The following NRDE2 variants were observed in gnomAD, a reference collection of about 807,000 sequenced individuals.
The protein encoded by NRDE2 is nuclear exosome regulator NRDE2.
In NRDE2, 76 loss-of-function variants were observed where a neutral mutation model predicts 124.2. The observed-to-expected ratio is 0.61, with a 90% confidence interval of 0.51 to 0.74. The LOEUF (loss-of-function observed/expected upper bound fraction) is 0.74, where lower values mean the gene tolerates loss of function less well. Ranked by LOEUF, NRDE2 falls within the 30% of genes least tolerant of loss-of-function variation. The pLI is 0.00. For synonymous variants in NRDE2, 489 were observed against 528.1 expected (o/e 0.93, Z 1.01); for missense variants, 1,314 against 1,417.3 (o/e 0.93, Z 1.17).
At chr14:90,317,434 C>T (rs1344883588) in intron 2 of NRDE2, among the ~76,000 whole-genome samples, 2 of 152,262 alleles carry the variant, frequency 1.3e-5, no homozygotes, top group South Asian at 2.1e-4. Context: ...TACCAACTTC[C>T]TCTCATACAT....
At chr14:90,316,416 G>A (rs1406827652) in intron 3 of NRDE2, among the ~76,000 whole-genome samples, 162 bp downstream of exon 3, 5 of 152,180 alleles carry the variant, frequency 3.3e-5, no homozygotes, top group Admixed American at 3.3e-4. Context: ...ATAAAATCGT[G>A]TCCCTAATTT....
chr14:90,304,009 C>A lies in NRDE2; in HGVS notation c.931G>T (p.Val311Leu). 6.2e-7 allele frequency: 1 copy of A among 1,614,048 alleles called. No homozygotes were observed. Among genetic ancestry groups the A allele is most frequent in the Non-Finnish European group, 8.5e-7 (1 of 1,179,922 alleles). The change falls in exon 5 of 14, where the codon GTG becomes TTG. Residue 311 changes from valine (V) to leucine (L), a missense_variant. By Grantham distance (32) the Val-to-Leu change is conservative. Coordinates refer to ENST00000354366, the MANE Select transcript of NRDE2 (RefSeq NM_017970.4). ...CGCACCCTCCTGTTAAACTCCTCCA[C>A]CTTGGCCTTGAGAGCCGCACTCTCG... ...DSESAALKAK[V>L]EEFNRRVREN...
In NRDE2 at chr14:90,269,931, T is replaced by A; in HGVS notation, c.*8405A>T. ...TTTGTAATGTTTTTAACACAATAGG[T>A]CTGCCCAGTTTCACTCAGGAATTGC... On this transcript the variant is annotated 3_prime_UTR_variant, in exon 14 of 14. Transcript: ENST00000354366. 8.9e-6 allele frequency: 4 copies of A among 449,586 alleles called. No individual in the cohort carries two copies. Among genetic ancestry groups the A allele is most frequent in the Non-Finnish European group, 1.6e-5 (4 of 254,748 alleles). The allele number at this position is 449,586 out of a possible 1,614,324, so 27.8% of individuals were successfully genotyped here.
intron 4 of NRDE2, among the ~76,000 whole-genome samples, chr14:90,307,165 A>T (rs907713857): frequency 1.3e-5 from 2 of 152,198 alleles, no homozygotes; most frequent in Non-Finnish European, 2.9e-5. Context: ...AAAATAGTTG[A>T]TATCACATAG....
In NRDE2 at chr14:90,288,285, G is replaced by C. The variant is rs191120303; in HGVS notation, c.3090C>G (p.Pro1030=). 9 of 1,614,144 alleles carry C rather than the reference G, an allele frequency of 5.6e-6. No individual in the cohort carries two copies. The African/African-American group carries it at 6.7e-5, about 12-fold the overall frequency. The change falls in exon 11 of 14, where the codon CCC becomes CCG. Residue 1030 remains proline, a synonymous_variant. Coordinates refer to ENST00000354366, the MANE Select transcript of NRDE2 (RefSeq NM_017970.4). ...CAATTGCAAACAACCAAGGCTCCAA[G>C]GGTTTGGCAGACCTGGTGATTGTGT... ...FFDTITRSAK[P]LEPWLFAIEA...
At chr14:90,314,103 G>A (rs1595073417) in intron 3 of NRDE2, among the ~76,000 whole-genome samples, 1 of 152,340 alleles carries the variant, frequency 6.6e-6, no homozygotes, top group African/African-American at 2.4e-5. Context: ...TAAGGAAGCA[G>A]GATATGGTAG....
intron 1 of NRDE2, among the ~76,000 whole-genome samples, chr14:90,319,193 C>CG (rs1304449809): frequency 6.6e-6 from 1 of 152,084 alleles, no homozygotes; most frequent in Non-Finnish European, 1.5e-5. Flanking sequence ...AGGGAGCCCA[C>CG]GGGGGGTTTG....
At chr14:90,300,066 C>T (rs538699198) in intron 7 of NRDE2, among the ~76,000 whole-genome samples, 3 of 152,186 alleles carry the variant, frequency 2.0e-5, no homozygotes, top group Non-Finnish European at 4.4e-5. Context: ...TCTCCCAACA[C>T]TTTAGAGCAG....
At chr14:90,327,350 G>A (rs1329489081) in intron 1 of NRDE2, among the ~76,000 whole-genome samples, 1 of 152,038 alleles carries the variant, frequency 6.6e-6, no homozygotes, top group East Asian at 1.9e-4. Context: ...AGGAGTTCAA[G>A]ATCAGCTTGA....
At chr14:90,293,337 G>A (rs1241126076) in intron 8 of NRDE2, among the ~76,000 whole-genome samples, 41 of 151,788 alleles carry the variant, frequency 2.7e-4, no homozygotes, top group Admixed American at 6.6e-5. Context: ...TGCAATCTCC[G>A]CCTCCCAGGT....
chr14:90,301,739 C>T (rs776793923), intron 6 of NRDE2: 35 of 456,520 alleles, frequency 7.7e-5, no homozygotes, highest in South Asian at 3.6e-4. Flanking sequence ...AAGCAAAGAG[C>T]TGTATTCAGT....
intron 1 of NRDE2, among the ~76,000 whole-genome samples, chr14:90,328,646 G>T (rs895214063): frequency 1.3e-5 from 2 of 152,176 alleles, no homozygotes; most frequent in Admixed American, 6.5e-5. Flanking sequence ...CATAGCAAGT[G>T]CATTGCTCCC....
rs556045688 is a variant in NRDE2, at chr14:90,290,044, C to T, written c.2229+177G>A. On this transcript the variant is annotated intron_variant, in intron 10 of 13. Transcript: ENST00000354366. ...TAGCCTGACTCGTTCCTGCCTTACT[C>T]CTCTTCACTGCGGACCCTCAGAAGG... Among the ~76,000 whole-genome samples, 3 of 152,324 alleles carry T rather than the reference C, an allele frequency of 2.0e-5. No homozygotes were observed. The South Asian group carries it at 6.2e-4, about 32-fold the overall frequency.
chr14:90,272,156 A>G lies in NRDE2; in HGVS notation c.*6180T>C. 1 of 1,131,894 alleles carries G rather than the reference A, an allele frequency of 8.8e-7. No homozygotes were observed. The highest frequency in any genetic ancestry group is 1.2e-6 in the Non-Finnish European group (1 of 801,002). 70.1% of individuals were successfully genotyped at this position (1,131,894 alleles called of 1,614,324 possible). The stretch of plus-strand genomic sequence containing the variant: ...CGATCCACCTGCCTCGGCCTCCCAG[A>G]GTGCTGGGATTACAGGTGTGAGCCA... On this transcript the variant is annotated 3_prime_UTR_variant, in exon 14 of 14. Transcript: ENST00000354366. This position sits in a 1 kb window ranked among gnomAD's most constrained non-coding sequence, Gnocchi z 4.5.
intron 7 of NRDE2, among the ~76,000 whole-genome samples, chr14:90,298,991 C>T (rs1250676711): frequency 6.6e-6 from 1 of 152,214 alleles, no homozygotes; most frequent in African/African-American, 2.4e-5. Flanking sequence ...TCAATAAACG[C>T]TTGTTGGCAC....
chr14:90,314,590 C>A (rs577268231), intron 3 of NRDE2, among the ~76,000 whole-genome samples: 1 of 152,238 alleles, frequency 6.6e-6, no homozygotes, highest in East Asian at 1.9e-4. Context: ...CTTTAAAACT[C>A]ATTTTCCCCA....
chr14:90,305,768 T>C (rs1023340050), intron 4 of NRDE2, among the ~76,000 whole-genome samples: 1 of 152,198 alleles, frequency 6.6e-6, no homozygotes, highest in Non-Finnish European at 1.5e-5. Flanking sequence ...TGATTGCCTC[T>C]GGGAGAATGG....
intron 3 of NRDE2, 135 bp downstream of exon 3, chr14:90,316,443 T>C (rs1399256475): frequency 1.6e-6 from 1 of 640,702 alleles, no homozygotes; most frequent in African/African-American, 1.8e-5. Flanking sequence ...TTCTCTTTTT[T>C]AAGCTGATAT....
At chr14:90,286,911 G>A (rs148709795) in intron 11 of NRDE2, among the ~76,000 whole-genome samples, 23,439 of 151,776 alleles carry the variant, frequency 0.15, 2,171 homozygotes, top group South Asian at 0.21. Context: ...GCTGGTGCCT[G>A]TAGTCCCAGC....
Sources: gnomAD v4.1 joint callset for allele counts (sites outside exome capture counted in the v4.1 genomes callset) on GRCh38, gnomAD v4.1.1 for gene constraint, Gnocchi (gnomAD v3.1) non-coding constraint, MANE v1.5 for transcripts, NCBI Gene and HGNC (gene_info 2026-07-23, HGNC 2026-07-21) for gene names.